The following TPRG1 variants were observed in gnomAD, a reference collection of about 807,000 sequenced individuals.
The protein encoded by TPRG1 is tumor protein p63 regulated 1, also known as tumor protein p63-regulated gene 1 protein.
In TPRG1, 29 loss-of-function variants were observed where a neutral mutation model predicts 29.3. The observed-to-expected ratio is 0.99, with a 90% CI of 0.74 to 1.35. The LOEUF is 1.35. Among genes scored for constraint, TPRG1 ranks in the 40% most tolerant of loss-of-function variants. The pLI is 0.00. For missense variants in TPRG1, 327 were observed against 335.0 expected, an observed-to-expected ratio of 0.98 and a Z score of 0.19; for synonymous variants, 130 against 116.8, an observed-to-expected ratio of 1.11 and a Z score of -0.73.
At position 189,035,987 on chromosome 3, in the gene TPRG1, A is replaced by C. The variant is rs375753687; in HGVS notation, c.-463+12041A>C. Among the ~76,000 whole-genome samples, 7 of 152,266 alleles carry C rather than the reference A, an allele frequency of 4.6e-5. No homozygotes were observed. The East Asian group carries it at 1.4e-3, about 29-fold the overall frequency. ...AATGCACTTGTATGTTCATTGAAGC[A>C]CTATTCACAATAGGAAAGACATGGA... On this transcript the variant is annotated intron_variant, in intron 4 of 10. Transcript: ENST00000433971.
chr3:189,321,230 T>C lies in TPRG1; in HGVS notation c.*410T>C, dbSNP rs1228122128. The C allele has an allele frequency of 1.3e-5, 2 of 153,280 alleles. No individual in the cohort carries two copies. The highest frequency in any genetic ancestry group is 1.3e-4 in the Admixed American group (2 of 15,108). 9.5% of individuals were successfully genotyped at this position (153,280 alleles called of 1,614,324 possible). On this transcript the variant is annotated 3_prime_UTR_variant, in exon 6 of 6. Transcript: ENST00000345063. ...CTCATTGGGGTCTCACTGTCTCTAG[T>C]ATTTTAGCTACCACTTGATAAGGAT... is the stretch of plus-strand genomic sequence containing the variant.
chr3:189,161,281 A>G (rs73890992), intron 5 of TPRG1, among the ~76,000 whole-genome samples: 9,216 of 152,218 alleles, frequency 0.061, 725 homozygotes, highest in African/African-American at 0.18. Context: ...CTATAGAAGC[A>G]GTACATCATG....
At chr3:189,146,958 C>A (rs574850137) in intron 3 of TPRG1, among the ~76,000 whole-genome samples, 49 of 152,190 alleles carry the variant, frequency 3.2e-4, no homozygotes, top group Admixed American at 5.2e-4. Context: ...AAACACTTTT[C>A]CTGCCTTATC....
intron 1 of TPRG1, among the ~76,000 whole-genome samples, chr3:189,194,822 C>A (rs1015435953): frequency 2.0e-5 from 3 of 152,120 alleles, no homozygotes; most frequent in African/African-American, 7.2e-5. Context: ...GCAGTGGCAA[C>A]AGTACCCCAG....
At chr3:189,212,481 G>A (rs752094413) in intron 2 of TPRG1, among the ~76,000 whole-genome samples, 11 of 152,064 alleles carry the variant, frequency 7.2e-5, no homozygotes, top group Admixed American at 6.6e-4. Flanking sequence ...GGCTTCTTTC[G>A]GGTGTAGAAA....
intron 2 of TPRG1, among the ~76,000 whole-genome samples, chr3:189,001,995 G>A (rs186057225): frequency 6.6e-6 from 1 of 152,346 alleles, no homozygotes; most frequent in Admixed American, 6.5e-5. Context: ...CCATTTTATA[G>A]AAGAGGAACT....
chr3:189,138,648 C>G (rs1278517285), intron 3 of TPRG1, among the ~76,000 whole-genome samples: 1 of 152,140 alleles, frequency 6.6e-6, no homozygotes, highest in Non-Finnish European at 1.5e-5. Context: ...TCACTCCTGT[C>G]CATATGTATG....
chr3:189,151,610 G>C (rs1226869331), intron 5 of TPRG1, among the ~76,000 whole-genome samples: 2 of 152,270 alleles, frequency 1.3e-5, no homozygotes, highest in South Asian at 4.1e-4. Flanking sequence ...GCCAGGCGTG[G>C]TGGCTCATGC....
chr3:189,226,381 A>T (rs1737723485), intron 3 of TPRG1, among the ~76,000 whole-genome samples: 1 of 152,206 alleles, frequency 6.6e-6, no homozygotes, highest in South Asian at 2.1e-4. Flanking sequence ...AAATAGAAAA[A>T]TGTCCAAACA....
chr3:189,040,530 T>C (rs1024023047), intron 4 of TPRG1, among the ~76,000 whole-genome samples: 2 of 152,156 alleles, frequency 1.3e-5, no homozygotes, highest in Non-Finnish European at 2.9e-5. Context: ...TTGCTTGGCT[T>C]CCTGCTGTGG....
chr3:189,061,358 TATC>T (rs1279902907), intron 4 of TPRG1, among the ~76,000 whole-genome samples: 3 of 152,108 alleles, frequency 2.0e-5, no homozygotes, highest in African/African-American at 7.2e-5. Flanking sequence ...AACTGGGCAA[TATC>T]ATTCTAGACA....
rs549746855 is a variant in TPRG1 at position 189,221,710 on chromosome 3, G to A, written c.302+6327G>A. Among the ~76,000 whole-genome samples, 20 of 152,338 alleles carry A rather than the reference G, an allele frequency of 1.3e-4. No homozygotes were observed. The South Asian group carries it at 4.1e-3, about 32-fold the overall frequency. On this transcript the variant is annotated intron_variant, in intron 3 of 5. Coordinates refer to ENST00000345063, the MANE Select transcript of TPRG1 (RefSeq NM_198485.4). ...GGGACTGTTTTCCAGGCACAGGGTT[G>A]CCTCTTTAAGTATCCTGGTCCCCAA... is the stretch of plus-strand genomic sequence containing the variant.
chr3:189,294,166 C>T (rs1719486502), intron 4 of TPRG1, among the ~76,000 whole-genome samples: 1 of 152,106 alleles, frequency 6.6e-6, no homozygotes, highest in African/African-American at 2.4e-5. Context: ...GATGGTTATG[C>T]CCATAGGAAA....
At chr3:189,108,471 T>C (rs1441384045) in intron 1 of TPRG1, among the ~76,000 whole-genome samples, 1 of 151,982 alleles carries the variant, frequency 6.6e-6, no homozygotes. Context: ...ACTTTTTCTC[T>C]GATTATTTTT....
intron 4 of TPRG1, among the ~76,000 whole-genome samples, chr3:189,041,159 T>C (rs948618536): frequency 2.6e-5 from 4 of 152,194 alleles, no homozygotes; most frequent in African/African-American, 7.2e-5. Flanking sequence ...CTACTTCCTC[T>C]TTCCTTATTG....
chr3:189,101,199 A>T (rs1274699452), intron 1 of TPRG1, among the ~76,000 whole-genome samples: 2 of 151,858 alleles, frequency 1.3e-5, no homozygotes, highest in South Asian at 4.2e-4. Context: ...ATGCCAGCGA[A>T]CCCTCACAGT....
At chr3:189,234,541 A>G (rs1739153119) in intron 3 of TPRG1, among the ~76,000 whole-genome samples, 1 of 152,146 alleles carries the variant, frequency 6.6e-6, no homozygotes, top group Admixed American at 6.5e-5. Flanking sequence ...AATGTTACTG[A>G]TTGTTTATTG....
intron 4 of TPRG1, among the ~76,000 whole-genome samples, chr3:189,299,118 GT>G (rs961310805): frequency 2.0e-5 from 3 of 147,910 alleles, no homozygotes; most frequent in Non-Finnish European, 4.5e-5. Flanking sequence ...GCTGAAACTT[GT>G]TTTTTTAGGG....
intron 4 of TPRG1, among the ~76,000 whole-genome samples, chr3:189,291,162 A>G (rs1718944548): frequency 6.6e-6 from 1 of 152,014 alleles, no homozygotes; most frequent in Admixed American, 6.6e-5. Flanking sequence ...CAGCCTCCCA[A>G]AGTGCTGAGA....
Sources: allele counts gnomAD v4.1 joint callset (sites outside exome capture counted in the v4.1 genomes callset), GRCh38; gene constraint gnomAD v4.1.1; transcripts MANE v1.5; gene names NCBI Gene and HGNC (gene_info 2026-07-23, HGNC 2026-07-21).